Variants in PTPRT observed in about 807,000 individuals in gnomAD.
PTPRT encodes the protein receptor-type tyrosine-protein phosphatase T.
PTPRT carries 56 observed loss-of-function variants against 176.8 expected under a neutral mutation model. The observed-to-expected ratio is 0.32, with a 90% confidence interval of 0.26 to 0.40. The LOEUF (loss-of-function observed/expected upper bound fraction) is 0.40, where lower values mean the gene tolerates loss of function less well. Ranked by LOEUF, PTPRT falls within the 10% of genes least tolerant of loss-of-function variation. PTPRT has a pLI of 1.00. For missense variants in PTPRT, 1,540 were observed against 1,908.2 expected (o/e 0.81, Z 3.60); for synonymous variants, 783 against 739.0 (o/e 1.06, Z -0.96).
At chr20:42,109,003 C>T (rs1986774050) in intron 23 of PTPRT, among the ~76,000 whole-genome samples, 1 of 151,992 alleles carries the variant, frequency 6.6e-6, no homozygotes, top group Non-Finnish European at 1.5e-5. Context: ...AGATGGGGGG[C>T]ATTAATGATC....
chr20:42,106,559 T>C (rs566920973), intron 24 of PTPRT, among the ~76,000 whole-genome samples: 1 of 152,298 alleles, frequency 6.6e-6, no homozygotes, highest in South Asian at 2.1e-4. Flanking sequence ...ACCACCATTC[T>C]TCATTGGTGG....
intron 9 of PTPRT, among the ~76,000 whole-genome samples, chr20:42,378,764 C>T (rs1173436829): frequency 6.6e-6 from 1 of 152,184 alleles, no homozygotes; most frequent in Non-Finnish European, 1.5e-5. Flanking sequence ...ATTTAACTTC[C>T]TGAGGCTCAG....
At chr20:43,116,926 G>A (rs887373049) in intron 1 of PTPRT, among the ~76,000 whole-genome samples, 10 of 152,210 alleles carry the variant, frequency 6.6e-5, no homozygotes, top group African/African-American at 9.6e-5. Context: ...AAAAACATTC[G>A]TCTGTGCTCA....
At position 42,678,596 on chromosome 20, in the gene PTPRT, G is replaced by A. The variant is rs181605132; in HGVS notation, c.860-437C>T. ...TGGGATTACAGGCATGAGCCAACACGCCTGGCCTGAAAACCCTTTTAAATC... is the reference window on the plus strand; with the variant it reads ...TGGGATTACAGGCATGAGCCAACACACCTGGCCTGAAAACCCTTTTAAATC... On this transcript the variant is annotated intron_variant, in intron 6 of 30. Coordinates refer to ENST00000373187, the MANE Select transcript of PTPRT (RefSeq NM_007050.6). Among the ~76,000 whole-genome samples the A allele has an allele frequency of 7.6e-4, 116 of 152,312 alleles. 1 individual carries two copies. Among genetic ancestry groups the A allele is most frequent in the African/African-American group, 2.4e-3 (99 of 41,580 alleles).
At chr20:42,648,681 A>G (rs2074961539) in intron 7 of PTPRT, among the ~76,000 whole-genome samples, 1 of 151,786 alleles carries the variant, frequency 6.6e-6, no homozygotes, top group South Asian at 2.1e-4. Flanking sequence ...TATGTAAATC[A>G]TGCTTCTTGG....
chr20:43,042,920 T>G (rs1311897474), intron 1 of PTPRT, among the ~76,000 whole-genome samples: 2 of 152,160 alleles, frequency 1.3e-5, no homozygotes, highest in Non-Finnish European at 2.9e-5. Flanking sequence ...TTGCCTGTAC[T>G]CCAACCATGT....
At chr20:42,917,537 A>G (rs1241772739) in intron 1 of PTPRT, among the ~76,000 whole-genome samples, 1 of 152,166 alleles carries the variant, frequency 6.6e-6, no homozygotes. Context: ...CATTGAATCT[A>G]TAAATTACAT....
intron 8 of PTPRT, among the ~76,000 whole-genome samples, chr20:42,462,267 AG>A (rs2071033601): frequency 6.6e-6 from 1 of 152,126 alleles, no homozygotes; most frequent in Non-Finnish European, 1.5e-5. Flanking sequence ...GGGAGACTAG[AG>A]GGATGAATGG....
intron 9 of PTPRT, among the ~76,000 whole-genome samples, chr20:42,447,953 T>C (rs936831421): frequency 1.3e-5 from 2 of 152,232 alleles, no homozygotes; most frequent in African/African-American, 4.8e-5. Flanking sequence ...TCTGACTCCC[T>C]GGGTTTTGGC....
chr20:42,668,696 CTT>C (rs34658528), intron 7 of PTPRT, among the ~76,000 whole-genome samples: 5 of 140,988 alleles, frequency 3.5e-5, no homozygotes, highest in African/African-American at 5.3e-5. Context: ...GCGGATAATT[CTT>C]TTTTTTTTTT....
In PTPRT at chr20:42,728,656, CA is replaced by C. The variant is rs139367981; in HGVS notation, c.859+27805del. Among the ~76,000 whole-genome samples, 1,455 of 152,298 alleles carry C rather than the reference CA, an allele frequency of 9.6e-3. 20 individuals are homozygous for C. The highest frequency in any genetic ancestry group is 0.034 in the South Asian group (165 of 4,826). On this transcript the variant is annotated intron_variant, in intron 6 of 30. Coordinates refer to ENST00000373187, the MANE Select transcript of PTPRT (RefSeq NM_007050.6). ...TCCTACACGACAGCTGATGAGGAAA[CA>C]GGGGCAGAAAAGGTATCGCAGCCAA...
rs111968843 is a variant in PTPRT at position 42,128,882 on chromosome 20, C to A, written c.2771-52G>T. ...ATGGTTGATAAGAGGCCTTACGCAG[C>A]TAATGTCCTCCTTTAGAACTACTGT... On this transcript the variant is annotated intron_variant, in intron 18 of 30. Coordinates refer to ENST00000373187, the MANE Select transcript of PTPRT (RefSeq NM_007050.6). The A allele has an allele frequency of 4.4e-3, 6,441 of 1,455,576 alleles. 203 individuals are homozygous for A. In the African/African-American group the frequency reaches 0.073, roughly 16 times the overall value. The allele number at this position is 1,455,576 out of a possible 1,614,324, so 90.2% of individuals were successfully genotyped here. A position where few individuals can be genotyped will look rare whatever the true frequency, so the allele number is the denominator to read the frequency against.
intron 13 of PTPRT, among the ~76,000 whole-genome samples, chr20:42,272,717 G>GCA (rs1568728123): frequency 5.0e-5 from 5 of 99,304 alleles, no homozygotes. Flanking sequence ...ACACACACGT[G>GCA]CGCGCACACA....
intron 1 of PTPRT, among the ~76,000 whole-genome samples, chr20:42,892,554 G>A (rs190703241): frequency 6.6e-5 from 10 of 152,048 alleles, no homozygotes; most frequent in South Asian, 2.1e-4. Flanking sequence ...CTTGCCCTCC[G>A]TGGTAGGCAC....
chr20:42,346,651 C>A (rs935999623), intron 11 of PTPRT, among the ~76,000 whole-genome samples: 2 of 152,168 alleles, frequency 1.3e-5, no homozygotes, highest in African/African-American at 4.8e-5. Flanking sequence ...ATCTCGCCCC[C>A]CTGCACACTC....
chr20:42,551,302 C>T (rs1227431556), intron 7 of PTPRT, among the ~76,000 whole-genome samples: 2 of 152,086 alleles, frequency 1.3e-5, no homozygotes, highest in Admixed American at 1.3e-4. Context: ...TCATACACTT[C>T]CCCGTGGGCT....
At chr20:43,165,319 G>A (rs1371222604) in intron 1 of PTPRT, among the ~76,000 whole-genome samples, 3 of 152,020 alleles carry the variant, frequency 2.0e-5, no homozygotes, top group Admixed American at 2.0e-4. Flanking sequence ...CCACAATCAT[G>A]TCTGGCTAAT....
At chr20:42,508,514 A>G (rs1184150411) in intron 7 of PTPRT, among the ~76,000 whole-genome samples, 5 of 152,168 alleles carry the variant, frequency 3.3e-5, no homozygotes, top group Non-Finnish European at 7.4e-5. Context: ...AAGTAATTAC[A>G]TTTAACAAAA....
At chr20:42,162,551 T>A (rs1027944901) in intron 16 of PTPRT, among the ~76,000 whole-genome samples, 1 of 152,178 alleles carries the variant, frequency 6.6e-6, no homozygotes, top group Non-Finnish European at 1.5e-5. Context: ...CAGAACCATC[T>A]AGGCTTGGTC....
Sources: allele counts gnomAD v4.1 joint callset (sites outside exome capture counted in the v4.1 genomes callset), GRCh38; gene constraint gnomAD v4.1.1; transcripts MANE v1.5; gene names NCBI Gene and HGNC (gene_info 2026-07-23, HGNC 2026-07-21).